IQGAP2: variants seen among roughly 807,000 people sequenced by gnomAD.
IQGAP2 encodes ras GTPase-activating-like protein IQGAP2.
In IQGAP2, 173 loss-of-function variants were observed where a neutral mutation model predicts 201.3. The ratio of observed to expected loss-of-function variants is 0.86; its 90% CI spans 0.76 to 0.98. The LOEUF (loss-of-function observed/expected upper bound fraction) is 0.98, where lower values mean the gene tolerates loss of function less well. IQGAP2 is among the 50% of genes least tolerant of loss of function. IQGAP2 has a pLI of 0.00. For synonymous variants in IQGAP2, 675 were observed against 673.9 expected, an observed-to-expected ratio of 1.00 and a Z score of -0.03; for missense variants, 1,687 against 1,864.8, an observed-to-expected ratio of 0.90 and a Z score of 1.76.
chr5:76,673,385 C>G, intron 24 of IQGAP2, 64 bp from the exon 25 acceptor site: 1 of 1,558,230 alleles, frequency 6.4e-7, no homozygotes, highest in East Asian at 2.3e-5. Flanking sequence ...ATAGAACCAA[C>G]TTGGCAGCAA....
chr5:76,609,122 A>G (rs1170938560), intron 12 of IQGAP2: 2 of 1,535,782 alleles, frequency 1.3e-6, no homozygotes, highest in Non-Finnish European at 1.7e-6. Context: ...GAAACGCAGC[A>G]GACAGCAACT....
intron 2 of IQGAP2, among the ~76,000 whole-genome samples, chr5:76,555,553 G>A (rs1468267238): frequency 2.0e-5 from 3 of 152,150 alleles, no homozygotes; most frequent in African/African-American, 2.4e-5. Flanking sequence ...ATTTGTATTG[G>A]TGTGGCCAGG....
At chr5:76,635,605 G>A (rs1016934929) in intron 15 of IQGAP2, among the ~76,000 whole-genome samples, 5 of 152,248 alleles carry the variant, frequency 3.3e-5, no homozygotes, top group East Asian at 1.9e-4. Flanking sequence ...CACTTTGGGC[G>A]GCTGAGGTGA....
At chr5:76,547,710 T>G (rs1015990320) in intron 2 of IQGAP2, among the ~76,000 whole-genome samples, 5 of 152,254 alleles carry the variant, frequency 3.3e-5, no homozygotes, top group Admixed American at 2.6e-4. Context: ...TTCTTTACTT[T>G]ACCTCTGCAC....
At chr5:76,635,766 C>A (rs1056033297) in intron 15 of IQGAP2, among the ~76,000 whole-genome samples, 19 of 130,840 alleles carry the variant, frequency 1.5e-4, no homozygotes, top group African/African-American at 4.9e-4. Flanking sequence ...GAGGTTGAGG[C>A]TGCAGTGAGC....
chr5:76,411,015 G>GAGC (rs1466198071), intron 1 of IQGAP2, among the ~76,000 whole-genome samples: 1 of 152,144 alleles, frequency 6.6e-6, no homozygotes, highest in African/African-American at 2.4e-5. Flanking sequence ...GCAGTCTCTG[G>GAGC]AGCAGCAGCA....
rs1748392862 is a variant in IQGAP2, at chr5:76,611,314, A to G, written c.1521+131A>G. The G allele has an allele frequency of 1.4e-5, 9 of 636,898 alleles. 1 individual carries two copies. The South Asian group carries it at 1.5e-4, about 10-fold the overall frequency. 39.5% of individuals were successfully genotyped at this position (636,898 alleles called of 1,614,324 possible). A position where few individuals can be genotyped will look rare whatever the true frequency, so the allele number is the denominator to read the frequency against. The stretch of plus-strand genomic sequence containing the variant: ...TCCCAACAATTACCCATGAATCAGA[A>G]TGGAAATAATAGAGCTGTTATTTTC... On this transcript the variant is annotated intron_variant, in intron 13 of 35. Transcript: ENST00000274364.
Position 76,609,286 on chromosome 5 carries a change from A to G in IQGAP2, c.1358-1734A>G. 3 of 1,497,012 alleles carry G rather than the reference A, an allele frequency of 2.0e-6. No homozygotes were observed. The East Asian group carries it at 7.4e-5, about 37-fold the overall frequency. The allele number at this position is 1,497,012 out of a possible 1,614,324, so 92.7% of individuals were successfully genotyped here. ...ACCAGAGAATGGCACTAAATATTCC[A>G]TGCACTCCAGTTTATAAATCCTATA... On this transcript the variant is annotated intron_variant, in intron 12 of 35. Coordinates refer to ENST00000274364, the MANE Select transcript of IQGAP2 (RefSeq NM_006633.5).
At chr5:76,483,807 C>T (rs1239792893) in intron 2 of IQGAP2, among the ~76,000 whole-genome samples, 1 of 152,194 alleles carries the variant, frequency 6.6e-6, no homozygotes, top group Non-Finnish European at 1.5e-5. Flanking sequence ...CCATCCCCAC[C>T]CCATGCCAGC....
intron 2 of IQGAP2, among the ~76,000 whole-genome samples, chr5:76,472,024 C>G (rs1023232969): frequency 6.6e-6 from 1 of 152,192 alleles, no homozygotes; most frequent in African/African-American, 2.4e-5. Context: ...CCACGGGGAG[C>G]AAGATGAACT....
chr5:76,504,108 G>C (rs1053733795), intron 2 of IQGAP2, among the ~76,000 whole-genome samples: 9 of 152,184 alleles, frequency 5.9e-5, no homozygotes, highest in Non-Finnish European at 1.3e-4. Context: ...GACTTTTAGA[G>C]CATAGCGTGC....
chr5:76,420,086 G>A (rs542019084), intron 1 of IQGAP2, among the ~76,000 whole-genome samples: 3 of 152,240 alleles, frequency 2.0e-5, no homozygotes, highest in African/African-American at 7.2e-5. Context: ...CCTCTGAGGA[G>A]TCCAGGCCTG....
At chr5:76,655,879 A>C (rs558566823) in intron 20 of IQGAP2, among the ~76,000 whole-genome samples, 1 of 152,284 alleles carries the variant, frequency 6.6e-6, no homozygotes, top group Admixed American at 6.5e-5. Flanking sequence ...TTGATTCTTT[A>C]TATACTAAAT....
At chr5:76,687,242 G>A (rs1444509878) in intron 30 of IQGAP2, among the ~76,000 whole-genome samples, 3 of 152,090 alleles carry the variant, frequency 2.0e-5, no homozygotes, top group Admixed American at 6.6e-5. Flanking sequence ...ACTGTTGGCC[G>A]ACCACTTTAC....
intron 17 of IQGAP2, among the ~76,000 whole-genome samples, chr5:76,649,871 C>A (rs2150422310): frequency 6.6e-6 from 1 of 152,344 alleles, no homozygotes; most frequent in African/African-American, 2.4e-5. Context: ...TCTTTGAAAT[C>A]TAGGCAGAGG....
In IQGAP2 at chr5:76,595,367, A is replaced by G. The variant is rs1261359109; in HGVS notation, c.908-2072A>G. Among the ~76,000 whole-genome samples, 4 of 150,558 alleles carry G rather than the reference A, an allele frequency of 2.7e-5. No homozygotes were observed. In the East Asian group the frequency reaches 5.8e-4, roughly 22 times the overall value. On this transcript the variant is annotated intron_variant, in intron 9 of 35. Transcript: ENST00000274364. ...GCCTCCCAAAATGCTAGGATTACAGACAAAAGCTACCACACCCTGCCTGGA... is the reference window on the plus strand; with the variant it reads ...GCCTCCCAAAATGCTAGGATTACAGGCAAAAGCTACCACACCCTGCCTGGA...
intron 2 of IQGAP2, among the ~76,000 whole-genome samples, chr5:76,545,269 G>A (rs1490603128): frequency 6.6e-6 from 1 of 152,190 alleles, no homozygotes; most frequent in Non-Finnish European, 1.5e-5. Context: ...GCTACTGTTT[G>A]GGAGCAAGGG....
At chr5:76,570,953 ATTTGTACAT>A (rs1745072453) in intron 4 of IQGAP2, among the ~76,000 whole-genome samples, 2 of 152,084 alleles carry the variant, frequency 1.3e-5, no homozygotes, top group South Asian at 4.2e-4. Flanking sequence ...TTGTGTTGCT[ATTTGTACAT>A]AAAGATTCTA....
intron 13 of IQGAP2, among the ~76,000 whole-genome samples, chr5:76,625,415 A>G (rs1199756171): frequency 6.6e-6 from 1 of 152,166 alleles, no homozygotes; most frequent in Non-Finnish European, 1.5e-5. Flanking sequence ...AGATCTTGTA[A>G]ACAGAGAAAA....
Sources: allele counts gnomAD v4.1 joint callset (sites outside exome capture counted in the v4.1 genomes callset), GRCh38; gene constraint gnomAD v4.1.1; transcripts MANE v1.5; gene names NCBI Gene and HGNC (gene_info 2026-07-23, HGNC 2026-07-21).